CCDC141: variants seen among roughly 807,000 people sequenced by gnomAD.
The protein encoded by CCDC141 is coiled-coil domain containing 141.
Under a neutral mutation model 181.0 loss-of-function variants are expected in CCDC141, and 168 were observed. That is an observed-to-expected ratio of 0.93 (90% CI 0.82 to 1.05). The LOEUF (loss-of-function observed/expected upper bound fraction) is 1.05, where lower values mean the gene tolerates loss of function less well. CCDC141 is among the 50% of genes least tolerant of loss of function. CCDC141 has a pLI of 0.00. For synonymous variants in CCDC141, 666 were observed against 642.3 expected, an observed-to-expected ratio of 1.04 and a Z score of -0.56; for missense variants, 1,902 against 1,788.5, an observed-to-expected ratio of 1.06 and a Z score of -1.14.
intron 8 of CCDC141, among the ~76,000 whole-genome samples, chr2:178,903,290 A>C (rs1430712209): frequency 6.6e-6 from 1 of 151,714 alleles, no homozygotes; most frequent in Non-Finnish European, 1.5e-5. Flanking sequence ...TCATGCTGCT[A>C]TAAAGACACA....
intron 22 of CCDC141, among the ~76,000 whole-genome samples, chr2:178,842,981 T>A (rs1684789971): frequency 6.6e-6 from 1 of 151,172 alleles, no homozygotes; most frequent in Admixed American, 6.6e-5. Context: ...GTGTGTGTGT[T>A]GAGGGTAGAG....
chr2:178,880,355 G>A (rs1305691653), intron 11 of CCDC141, among the ~76,000 whole-genome samples: 1 of 152,142 alleles, frequency 6.6e-6, no homozygotes, highest in African/African-American at 2.4e-5. Context: ...AGGAGGTAAT[G>A]TGATCAGATT....
intron 2 of CCDC141, among the ~76,000 whole-genome samples, chr2:179,018,636 C>T (rs1288194429): frequency 6.6e-6 from 1 of 152,128 alleles, no homozygotes; most frequent in Non-Finnish European, 1.5e-5. Flanking sequence ...ACCCTTCTCT[C>T]CATAGCAGCA....
At chr2:178,964,032 G>A (rs1690514928) in intron 4 of CCDC141, among the ~76,000 whole-genome samples, 1 of 152,164 alleles carries the variant, frequency 6.6e-6, no homozygotes, top group Non-Finnish European at 1.5e-5. Context: ...TAGGGTTCAG[G>A]AAAAGATCTG....
At chr2:178,907,762 G>T (rs1688037115) in intron 7 of CCDC141, among the ~76,000 whole-genome samples, 1 of 152,168 alleles carries the variant, frequency 6.6e-6, no homozygotes, top group African/African-American at 2.4e-5. Context: ...GGGAGGCCAA[G>T]GTGGGTGGAT....
chr2:178,909,454 A>G (rs768273298), intron 7 of CCDC141, among the ~76,000 whole-genome samples: 2 of 152,218 alleles, frequency 1.3e-5, no homozygotes, highest in Non-Finnish European at 2.9e-5. Context: ...ACTGACCTCA[A>G]TCCTAACCAA....
chr2:179,048,306 T>A (rs1156821549), intron 1 of CCDC141, among the ~76,000 whole-genome samples: 1 of 152,216 alleles, frequency 6.6e-6, no homozygotes, highest in Non-Finnish European at 1.5e-5. Flanking sequence ...TAAGGTGGAC[T>A]TTATACTCTG....
intron 20 of CCDC141, among the ~76,000 whole-genome samples, chr2:178,851,205 C>CAAA (rs3045634): frequency 4.8e-5 from 5 of 103,774 alleles, no homozygotes; most frequent in Admixed American, 2.0e-4. Context: ...GACTTTGTCT[C>CAAA]AAAAAAAAAA....
At chr2:178,967,679 C>T (rs1690700717) in intron 4 of CCDC141, among the ~76,000 whole-genome samples, 1 of 152,150 alleles carries the variant, frequency 6.6e-6, no homozygotes, top group Non-Finnish European at 1.5e-5. Flanking sequence ...GAAACTGCAT[C>T]AACTAACGGG....
In CCDC141 at chr2:178,888,619, C is replaced by T. The variant is rs1003213586; in HGVS notation, c.1315G>A (p.Val439Met). 20 of 1,550,674 alleles carry T rather than the reference C, an allele frequency of 1.3e-5. No individual in the cohort carries two copies. In the African/African-American group the frequency reaches 2.7e-4, roughly 21 times the overall value. ...HEMMGCIKRRVDHLTEQCSAH... is the reference protein window; with the variant it reads ...HEMMGCIKRRMDHLTEQCSAH... ...GAACACTGTTCGGTCAGATGATCCA[C>T]TCGTCTCTTAATGCACCCCATCATC... The change falls in exon 9 of 24, where the codon GTG becomes ATG. Residue 439 changes from valine (V) to methionine (M), a missense_variant. Transcript: ENST00000443758.
chr2:178,933,049 T>C (rs1305374633), intron 6 of CCDC141, among the ~76,000 whole-genome samples: 2 of 152,180 alleles, frequency 1.3e-5, no homozygotes, highest in Non-Finnish European at 2.9e-5. Flanking sequence ...ATCCAATTTA[T>C]GAAATCACTC....
intron 8 of CCDC141, among the ~76,000 whole-genome samples, chr2:178,899,999 T>C (rs991755778): frequency 1.3e-5 from 2 of 152,130 alleles, no homozygotes; most frequent in Non-Finnish European, 2.9e-5. Context: ...TTTAATGGGT[T>C]TTTATTCTAG....
chr2:178,862,219 T>G (rs774282739), intron 17 of CCDC141, among the ~76,000 whole-genome samples: 2 of 152,218 alleles, frequency 1.3e-5, no homozygotes, highest in Non-Finnish European at 1.5e-5. Flanking sequence ...GCATAATTCC[T>G]GATGGGTAAG....
chr2:178,982,874 A>C (rs1030404563), intron 2 of CCDC141, among the ~76,000 whole-genome samples: 4 of 152,230 alleles, frequency 2.6e-5, no homozygotes, highest in African/African-American at 9.6e-5. Flanking sequence ...GCAAGGCGGC[A>C]GCCAGGCTGG....
chr2:179,018,795 T>A (rs1169832482), intron 2 of CCDC141, among the ~76,000 whole-genome samples: 1 of 152,174 alleles, frequency 6.6e-6, no homozygotes, highest in Admixed American at 6.6e-5. Flanking sequence ...ACAGTGTCAC[T>A]CATTTTTGTA....
chr2:178,994,231 G>T (rs1216918951), intron 2 of CCDC141, among the ~76,000 whole-genome samples: 1 of 152,208 alleles, frequency 6.6e-6, no homozygotes, highest in Non-Finnish European at 1.5e-5. Context: ...TGAGGGCCCT[G>T]CCCCTGCGGC....
At chr2:178,984,110 G>T (rs1281902718) in intron 2 of CCDC141, among the ~76,000 whole-genome samples, 1 of 152,192 alleles carries the variant, frequency 6.6e-6, no homozygotes, top group African/African-American at 2.4e-5. Context: ...GACTAACAGT[G>T]GATCTCTCGG....
At chr2:178,862,782 C>T (rs981605615) in intron 17 of CCDC141, among the ~76,000 whole-genome samples, 3 of 152,142 alleles carry the variant, frequency 2.0e-5, no homozygotes, top group African/African-American at 7.2e-5. Flanking sequence ...AACTATCATT[C>T]GTTGTCTCTA....
chr2:178,939,803 T>C (rs528301853), intron 6 of CCDC141, among the ~76,000 whole-genome samples: 19 of 152,078 alleles, frequency 1.2e-4, no homozygotes, highest in African/African-American at 4.6e-4. Context: ...TGAATCCTAA[T>C]TGTAGCAAAA....
Sources: gnomAD v4.1 joint callset for allele counts (sites outside exome capture counted in the v4.1 genomes callset) on GRCh38, gnomAD v4.1.1 for gene constraint, MANE v1.5 for transcripts, NCBI Gene and HGNC (gene_info 2026-07-23, HGNC 2026-07-21) for gene names.